The following SH3BGR variants were observed in gnomAD, a reference collection of about 807,000 sequenced individuals.
The protein encoded by SH3BGR is SH3 domain binding glutamate rich protein.
In SH3BGR, 29 loss-of-function variants were observed where a neutral mutation model predicts 24.5. The observed-to-expected ratio is 1.18, with a 90% CI of 0.88 to 1.61. The LOEUF (loss-of-function observed/expected upper bound fraction) is 1.61, where lower values mean the gene tolerates loss of function less well. SH3BGR is among the 40% of genes most tolerant of loss of function. The probability of loss-of-function intolerance (pLI) is 0.00; values close to 1 mark genes in which losing one functional copy is unlikely to be tolerated. For missense variants in SH3BGR, 162 were observed against 205.8 expected (o/e 0.79, Z 1.30); for synonymous variants, 55 against 65.7 (o/e 0.84, Z 0.79).
intron 5 of SH3BGR, among the ~76,000 whole-genome samples, chr21:39,509,905 C>T (rs1395058020): frequency 6.6e-6 from 1 of 152,000 alleles, no homozygotes; most frequent in Non-Finnish European, 1.5e-5. Flanking sequence ...AAAAAGGGTC[C>T]CAAATGTCAA....
rs2078629854 is a variant in SH3BGR, at chr21:39,509,021, A to G, written c.429A>G (p.Thr143=). 6.2e-7 allele frequency: 1 copy of G among 1,609,806 alleles called. No individual in the cohort carries two copies. The highest frequency in any genetic ancestry group is 8.5e-7 in the Non-Finnish European group (1 of 1,177,516). The change falls in exon 5 of 7, where the codon ACA becomes ACG. Residue 143 remains threonine (T), a synonymous_variant. Coordinates refer to ENST00000333634, the MANE Select transcript of SH3BGR (RefSeq NM_007341.3). ...AGGAAGAAGAAGGAGAGACAGCCAC[A>G]GAAGAGGTACGGTCGACCATCTTTA... ...EKNEEEGETA[T]EETEEIAMEG...
At chr21:39,491,827 C>G in intron 3 of SH3BGR, 1 of 184,492 alleles carries the variant, frequency 5.4e-6, no homozygotes, top group Admixed American at 5.4e-5. Context: ...AGGTATAGTT[C>G]GTGCAGCAAA....
chr21:39,470,399 C>T (rs1171744956), intron 2 of SH3BGR, among the ~76,000 whole-genome samples: 1 of 152,062 alleles, frequency 6.6e-6, no homozygotes, highest in Non-Finnish European at 1.5e-5. Context: ...GCTGGGATTA[C>T]AGGCACGCAC....
At position 39,502,960 on chromosome 21, in the gene SH3BGR, A is replaced by G. The variant is rs1477042193; in HGVS notation, c.405+3045A>G. On this transcript the variant is annotated intron_variant, in intron 4 of 6. Transcript: ENST00000333634. ...TCCTTCTTTCCTCCCCAGTCTGGCC[A>G]CCTCCGTCTTGCCAATTCCAAGCTC... Among the ~76,000 whole-genome samples, 5 of 146,176 alleles carry G rather than the reference A, an allele frequency of 3.4e-5. No individual in the cohort carries two copies. In the East Asian group the frequency reaches 1.0e-3, roughly 29 times the overall value.
chr21:39,467,696 CT>C (rs1301628460), intron 2 of SH3BGR, among the ~76,000 whole-genome samples: 1 of 152,140 alleles, frequency 6.6e-6, no homozygotes, highest in Non-Finnish European at 1.5e-5. Flanking sequence ...TCCCTGGCTT[CT>C]GAAGATTCTT....
intron 4 of SH3BGR, 75 bp from the exon 5 acceptor site, chr21:39,508,923 T>C: frequency 9.0e-7 from 1 of 1,112,680 alleles, no homozygotes. Flanking sequence ...TATTATAGTT[T>C]GCTTGATTTT....
intron 3 of SH3BGR, among the ~76,000 whole-genome samples, chr21:39,486,614 AAAG>A (rs1253261861): frequency 2.0e-5 from 3 of 152,260 alleles, no homozygotes; most frequent in African/African-American, 7.2e-5. Context: ...GATTCAGATT[AAAG>A]AAGGATCAAG....
chr21:39,451,946 G>A (rs2077580463), upstream of SH3BGR: 8 of 1,614,070 alleles, frequency 5.0e-6, no homozygotes, highest in African/African-American at 1.3e-5. Flanking sequence ...AGCCTCTTAA[G>A]TTGGAGCGGG....
chr21:39,470,856 TTTTG>T (rs1476302908), intron 2 of SH3BGR, among the ~76,000 whole-genome samples: 2 of 152,182 alleles, frequency 1.3e-5, no homozygotes, highest in Non-Finnish European at 2.9e-5. Context: ...TTCTCTAAGT[TTTTG>T]TTTGTTTAAA....
At chr21:39,505,995 C>G (rs1294016521) in intron 4 of SH3BGR, among the ~76,000 whole-genome samples, 4 of 152,134 alleles carry the variant, frequency 2.6e-5, no homozygotes. Context: ...GAATTTTATT[C>G]TGATCCTATG....
Position 39,492,443 on chromosome 21 carries a change from G to GGT in SH3BGR, c.313-7357_313-7356dup, listed in dbSNP as rs1164205385. Among the ~76,000 whole-genome samples, 1,071 of 136,592 alleles carry GGT rather than the reference G, an allele frequency of 7.8e-3. 10 individuals are homozygous for GGT. The highest frequency in any genetic ancestry group is 0.022 in the African/African-American group (797 of 36,290). The allele number at this position is 136,592 out of a possible 152,430, so 89.6% of individuals were successfully genotyped here. ...TTTTTATGGCTGAGTAGTTTCCCTT[G>GGT]GTGTGTGTGTGTGTGTGTGTGTGTA... On this transcript the variant is annotated intron_variant, in intron 3 of 6. Coordinates refer to ENST00000333634, the MANE Select transcript of SH3BGR (RefSeq NM_007341.3).
At chr21:39,468,390 G>A (rs552375307) in intron 2 of SH3BGR, among the ~76,000 whole-genome samples, 2 of 152,288 alleles carry the variant, frequency 1.3e-5, no homozygotes, top group East Asian at 3.9e-4. Context: ...CAGAAATGTG[G>A]AAGCCCTCTG....
At chr21:39,468,912 G>A (rs2077888475) in intron 2 of SH3BGR, among the ~76,000 whole-genome samples, 1 of 151,980 alleles carries the variant, frequency 6.6e-6, no homozygotes, top group South Asian at 2.1e-4. Context: ...TTCTCTGTGG[G>A]AAATGTTTCA....
intron 3 of SH3BGR, among the ~76,000 whole-genome samples, chr21:39,476,260 G>A (rs989373847): frequency 1.4e-4 from 21 of 152,204 alleles, no homozygotes; most frequent in African/African-American, 4.8e-4. Flanking sequence ...GCTCTTTACA[G>A]AAGAGGGTGA....
At chr21:39,505,116 AT>A (rs1343287751) in intron 4 of SH3BGR, among the ~76,000 whole-genome samples, 2 of 152,146 alleles carry the variant, frequency 1.3e-5, no homozygotes, top group Non-Finnish European at 2.9e-5. Context: ...CCCAGCCATT[AT>A]TTTTAAAACT....
chr21:39,501,633 G>A (rs1825484552), intron 4 of SH3BGR, among the ~76,000 whole-genome samples: 1 of 152,198 alleles, frequency 6.6e-6, no homozygotes, highest in East Asian at 1.9e-4. Context: ...ACTTCTTCCT[G>A]TTTGAAAACC....
intron 1 of SH3BGR, among the ~76,000 whole-genome samples, chr21:39,459,370 G>A (rs1283920814): frequency 6.6e-6 from 1 of 151,944 alleles, no homozygotes; most frequent in African/African-American, 2.4e-5. Context: ...CACTACAGGT[G>A]CGTGCCACCA....
chr21:39,453,017 G>A (rs576420166), intron 1 of SH3BGR, among the ~76,000 whole-genome samples: 13 of 152,308 alleles, frequency 8.5e-5, no homozygotes, highest in African/African-American at 2.9e-4. Flanking sequence ...AGACCAGCAA[G>A]GCGGCTGTTC....
At chr21:39,513,395 T>A (rs1602190471) in intron 6 of SH3BGR, among the ~76,000 whole-genome samples, 1 of 152,126 alleles carries the variant, frequency 6.6e-6, no homozygotes, top group South Asian at 2.1e-4. Flanking sequence ...AAAGTCCAAT[T>A]TGAATAGTAG....
Sources: allele counts gnomAD v4.1 joint callset (sites outside exome capture counted in the v4.1 genomes callset), GRCh38; gene constraint gnomAD v4.1.1; transcripts MANE v1.5; gene names NCBI Gene and HGNC (gene_info 2026-07-23, HGNC 2026-07-21).